GTF2I: variants seen among roughly 807,000 people sequenced by gnomAD.
GTF2I encodes the protein general transcription factor II-I.
GTF2I carries 12 observed loss-of-function variants against 67.6 expected under a neutral mutation model. The ratio of observed to expected loss-of-function variants is 0.18; its 90% confidence interval spans 0.11 to 0.29. GTF2I has a LOEUF of 0.29. Among genes scored for constraint, GTF2I ranks in the 10% least tolerant of loss-of-function variants. The probability of loss-of-function intolerance (pLI) is 1.00; values close to 1 mark genes in which losing one functional copy is unlikely to be tolerated. For missense variants in GTF2I, 271 were observed against 580.1 expected (o/e 0.47, Z 5.47); for synonymous variants, 149 against 197.0 (o/e 0.76, Z 2.04).
intron 12 of GTF2I, among the ~76,000 whole-genome samples, chr7:74,725,654 T>TG (rs1408923217): frequency 6.6e-6 from 1 of 152,142 alleles, no homozygotes. Context: ...TGCTCCAGCC[T>TG]GGGTGAAGGA....
intron 12 of GTF2I, among the ~76,000 whole-genome samples, chr7:74,722,490 C>T (rs1015120514): frequency 6.6e-6 from 1 of 152,136 alleles, no homozygotes; most frequent in Non-Finnish European, 1.5e-5. Context: ...AAGGAGGTTT[C>T]TTTCTTGCGC....
intron 12 of GTF2I, among the ~76,000 whole-genome samples, chr7:74,719,763 A>C (rs1792700952): frequency 6.6e-6 from 1 of 152,114 alleles, no homozygotes; most frequent in South Asian, 2.1e-4. Flanking sequence ...TCTACTAAAA[A>C]TACAAAACTA....
At chr7:74,667,608 T>C (rs1187572259) in intron 1 of GTF2I, among the ~76,000 whole-genome samples, 6 of 151,810 alleles carry the variant, frequency 4.0e-5, no homozygotes, top group Non-Finnish European at 8.8e-5. Context: ...CTTCGTGTCC[T>C]AGGGTCAAGA....
rs587773124 is a variant in GTF2I, at chr7:74,715,787, T to G, written c.823+871T>G. Among the ~76,000 whole-genome samples the G allele has an allele frequency of 8.3e-4, 127 of 152,170 alleles. No individual in the cohort carries two copies. In the Middle Eastern group the frequency reaches 0.014, roughly 16 times the overall value. On this transcript the variant is annotated intron_variant, in intron 10 of 34. Transcript: ENST00000573035. ...GTGAGTTTTCACAATATAAAGTAAG[T>G]GGAAAAGAATCCCCAGATAATTGTG...
chr7:74,677,594 C>G (rs1239753785), intron 1 of GTF2I, among the ~76,000 whole-genome samples: 1 of 151,500 alleles, frequency 6.6e-6, no homozygotes, highest in East Asian at 1.9e-4. Flanking sequence ...CCAGCCTGGC[C>G]AACATGCTGA....
chr7:74,666,050 C>T (rs1804943540), intron 1 of GTF2I, among the ~76,000 whole-genome samples: 1 of 152,124 alleles, frequency 6.6e-6, no homozygotes, highest in African/African-American at 2.4e-5. Context: ...TATATGTTGG[C>T]CAGGCTGGTC....
rs1805701982 is a variant in GTF2I at position 74,674,204 on chromosome 7, G to A, written c.-5-14920G>A. ...CTTGCCTCAGGCTCCTGAGTAGCTG[G>A]GACAACAGGCGTGTACCACACCTGG... On this transcript the variant is annotated intron_variant, in intron 1 of 34. Coordinates refer to ENST00000573035, the MANE Select transcript of GTF2I (RefSeq NM_032999.4). Among the ~76,000 whole-genome samples the A allele has an allele frequency of 2.0e-5, 3 of 151,672 alleles. No individual in the cohort carries two copies. In the South Asian group the frequency reaches 6.3e-4, roughly 32 times the overall value.
At chr7:74,726,847 A>AGATG (rs1217440717) in intron 12 of GTF2I, 2 of 148,104 alleles carry the variant, frequency 1.4e-5, no homozygotes, top group South Asian at 2.2e-4. Flanking sequence ...ATAGATAGAT[A>AGATG]GATAGATAGA....
At chr7:74,686,739 T>C (rs1037602021) in intron 1 of GTF2I, among the ~76,000 whole-genome samples, 8 of 152,196 alleles carry the variant, frequency 5.3e-5, no homozygotes, top group African/African-American at 1.9e-4. Context: ...GAATGGGACC[T>C]AAGCTGTTAG....
intron 18 of GTF2I, among the ~76,000 whole-genome samples, chr7:74,737,788 CAG>C (rs1209784426): frequency 6.8e-6 from 1 of 147,710 alleles, no homozygotes; most frequent in African/African-American, 2.5e-5. Context: ...GATTCAGAAA[CAG>C]AATTGAGCTG....
At chr7:74,677,728 G>A (rs996528289) in intron 1 of GTF2I, among the ~76,000 whole-genome samples, 1 of 132,822 alleles carries the variant, frequency 7.5e-6, no homozygotes, top group East Asian at 2.4e-4. Context: ...GTTGCAGTGA[G>A]CCAAGATCAC....
chr7:74,703,225 T>C (rs1366660539), intron 6 of GTF2I, among the ~76,000 whole-genome samples: 9 of 152,108 alleles, frequency 5.9e-5, no homozygotes, highest in African/African-American at 2.2e-4. Flanking sequence ...CACTCTGTTA[T>C]CCAGGCTGGA....
intron 12 of GTF2I, chr7:74,726,878 T>C (rs1793865129): frequency 6.7e-6 from 1 of 148,730 alleles, no homozygotes; most frequent in Non-Finnish European, 1.5e-5. Context: ...GATAGATAGA[T>C]AGATAGAATG....
chr7:74,660,312 C>T (rs1428319743), intron 1 of GTF2I, among the ~76,000 whole-genome samples: 2 of 150,436 alleles, frequency 1.3e-5, no homozygotes, highest in African/African-American at 4.9e-5. Flanking sequence ...GCCTCAGTCT[C>T]CCCCGAGTAG....
At chr7:74,721,545 TA>T (rs1403208645) in intron 12 of GTF2I, among the ~76,000 whole-genome samples, 11 of 151,794 alleles carry the variant, frequency 7.2e-5, no homozygotes, top group African/African-American at 2.7e-4. Flanking sequence ...GTATTATATA[TA>T]AAAAATATGT....
At chr7:74,697,550 A>G (rs1463476601) in intron 3 of GTF2I, among the ~76,000 whole-genome samples, 5 of 152,148 alleles carry the variant, frequency 3.3e-5, no homozygotes, top group African/African-American at 1.2e-4. Flanking sequence ...TAGACTTTGC[A>G]AGCCTAGAAT....
intron 12 of GTF2I, chr7:74,727,815 C>T (rs1207617805): frequency 6.6e-6 from 1 of 152,182 alleles, no homozygotes; most frequent in Non-Finnish European, 1.5e-5. Flanking sequence ...AGGGTCACAG[C>T]AGAGTGAGTT....
intron 2 of GTF2I, among the ~76,000 whole-genome samples, chr7:74,690,043 A>G (rs1374735283): frequency 2.0e-5 from 3 of 151,984 alleles, no homozygotes; most frequent in African/African-American, 7.2e-5. Context: ...GTGAAACCCT[A>G]TCTCTACTAA....
At chr7:74,681,984 G>T (rs1189827770) in intron 1 of GTF2I, among the ~76,000 whole-genome samples, 1 of 152,122 alleles carries the variant, frequency 6.6e-6, no homozygotes, top group African/African-American at 2.4e-5. Flanking sequence ...AATGTGGTAC[G>T]CATGAAGGTG....
Sources: gnomAD v4.1 joint callset for allele counts (sites outside exome capture counted in the v4.1 genomes callset) on GRCh38, gnomAD v4.1.1 for gene constraint, MANE v1.5 for transcripts, NCBI Gene and HGNC (gene_info 2026-07-23, HGNC 2026-07-21) for gene names.